The following EML4 variants were observed in gnomAD, a reference collection of about 807,000 sequenced individuals.
The protein encoded by EML4 is EMAP like 4.
Under a neutral mutation model 129.0 loss-of-function variants are expected in EML4, and 72 were observed. That is an observed-to-expected ratio of 0.56 (90% CI 0.46 to 0.68). EML4 has a LOEUF of 0.68. Among genes scored for constraint, EML4 ranks in the 30% least tolerant of loss-of-function variants. EML4 has a pLI of 0.00. For missense variants in EML4, 1,363 were observed against 1,190.6 expected, an observed-to-expected ratio of 1.14 and a Z score of -2.13; for synonymous variants, 532 against 405.0, an observed-to-expected ratio of 1.31 and a Z score of -3.77.
At chr2:42,324,626 AAGTT>A (rs1377040044) in intron 19 of EML4, among the ~76,000 whole-genome samples, 1 of 152,210 alleles carries the variant, frequency 6.6e-6, no homozygotes, top group Non-Finnish European at 1.5e-5. Flanking sequence ...CTCAAAAAAA[AAGTT>A]AGTAATTGAA....
intron 2 of EML4, among the ~76,000 whole-genome samples, chr2:42,252,436 A>G (rs917966601): frequency 6.6e-6 from 1 of 152,168 alleles, no homozygotes; most frequent in Non-Finnish European, 1.5e-5. Flanking sequence ...TTCTCAGACC[A>G]CTGCCCTGAA....
intron 22 of EML4, 37 bp from the exon 23 acceptor site, chr2:42,329,697 G>A: frequency 6.4e-7 from 1 of 1,563,708 alleles, no homozygotes; most frequent in Non-Finnish European, 8.8e-7. Context: ...TCAAGAATGA[G>A]TTTAATTTTC....
intron 1 of EML4, among the ~76,000 whole-genome samples, chr2:42,219,710 G>A (rs1248168665): frequency 6.6e-6 from 1 of 151,980 alleles, no homozygotes; most frequent in Non-Finnish European, 1.5e-5. Context: ...TTGACATCAG[G>A]ACTTCAAGAC....
chr2:42,268,693 C>T (rs1666205638), intron 6 of EML4, among the ~76,000 whole-genome samples: 1 of 152,172 alleles, frequency 6.6e-6, no homozygotes, highest in South Asian at 2.1e-4. Context: ...CCATCTCTAC[C>T]TCCCAAAGCG....
At chr2:42,202,554 G>C (rs1421019051) in intron 1 of EML4, among the ~76,000 whole-genome samples, 1 of 152,166 alleles carries the variant, frequency 6.6e-6, no homozygotes, top group African/African-American at 2.4e-5. Flanking sequence ...GAGGAGCAAG[G>C]AAGCCAGTCT....
At chr2:42,310,561 G>C (rs1056046385) in intron 17 of EML4, among the ~76,000 whole-genome samples, 4 of 152,146 alleles carry the variant, frequency 2.6e-5, no homozygotes, top group Non-Finnish European at 5.9e-5. Flanking sequence ...GGTCAAGCTG[G>C]TCTTGAACTC....
chr2:42,260,924 T>G (rs1011540794), intron 3 of EML4, among the ~76,000 whole-genome samples, 197 bp from the exon 4 acceptor site: 4 of 152,218 alleles, frequency 2.6e-5, no homozygotes, highest in Admixed American at 6.5e-5. Flanking sequence ...CTTAGAATTT[T>G]TATAAATTCT....
intron 1 of EML4, among the ~76,000 whole-genome samples, chr2:42,243,457 A>G (rs559900658): frequency 5.9e-5 from 9 of 151,970 alleles, no homozygotes; most frequent in African/African-American, 2.2e-4. Context: ...TTTAAGTAAC[A>G]AATGTGCTCA....
At chr2:42,299,938 G>A (rs1351704601) in intron 13 of EML4, among the ~76,000 whole-genome samples, 1 of 152,080 alleles carries the variant, frequency 6.6e-6, no homozygotes, top group Admixed American at 6.5e-5. Context: ...CACCCACCTC[G>A]GCCTCCCAAA....
chr2:42,308,650 A>C (rs1163675504), intron 17 of EML4, among the ~76,000 whole-genome samples: 1 of 152,238 alleles, frequency 6.6e-6, no homozygotes, highest in African/African-American at 2.4e-5. Flanking sequence ...CAGTAAGTTC[A>C]CAGGGTTATG....
rs1242828197 is a variant in EML4 at position 42,330,226 on chromosome 2, A to C, written c.*19A>C. 7 of 1,601,408 alleles carry C rather than the reference A, an allele frequency of 4.4e-6. No homozygotes were observed. Among genetic ancestry groups the C allele is most frequent in the African/African-American group, 1.3e-5 (1 of 74,304 alleles). ...GTCCTAACACCCTGGCTTCAGTGCA[A>C]CTCTTTTCCTTCAGCTGCATGTGAT... On this transcript the variant is annotated 3_prime_UTR_variant, in exon 23 of 23. Transcript: ENST00000318522.
intron 20 of EML4, 75 bp from the exon 21 acceptor site, chr2:42,326,079 T>C: frequency 6.4e-7 from 1 of 1,573,768 alleles, no homozygotes; most frequent in Non-Finnish European, 8.6e-7. Context: ...ACGTGGCTAG[T>C]TTGAATCAAG....
chr2:42,283,964 G>C (rs1045587732), intron 8 of EML4, among the ~76,000 whole-genome samples: 8 of 152,216 alleles, frequency 5.3e-5, no homozygotes, highest in Non-Finnish European at 8.8e-5. Flanking sequence ...GTTGTTGAAA[G>C]AGTCTAGATA....
intron 13 of EML4, among the ~76,000 whole-genome samples, chr2:42,296,664 T>A (rs1347099544): frequency 6.6e-6 from 1 of 152,184 alleles, no homozygotes; most frequent in African/African-American, 2.4e-5. Context: ...TGAAAACTAT[T>A]TGTCAAACAT....
At chr2:42,315,888 A>G (rs931507829) in intron 17 of EML4, 74 bp from the exon 18 acceptor site, 18 of 1,144,226 alleles carry the variant, frequency 1.6e-5, no homozygotes, top group Middle Eastern at 2.0e-4. Flanking sequence ...CTCAAAAAAA[A>G]AAGAAAAAGA....
chr2:42,328,776 T>C (rs1340164504), intron 21 of EML4, 110 bp from the exon 22 acceptor site: 3 of 844,532 alleles, frequency 3.6e-6, no homozygotes, highest in Non-Finnish European at 3.5e-6. Context: ...AGCTAAGAGT[T>C]TGAACATAGA....
intron 1 of EML4, among the ~76,000 whole-genome samples, chr2:42,174,894 T>C (rs1333938280): frequency 6.6e-6 from 1 of 151,664 alleles, no homozygotes; most frequent in Non-Finnish European, 1.5e-5. Flanking sequence ...CTCGGCTCAC[T>C]GCAGCCTCCG....
intron 1 of EML4, among the ~76,000 whole-genome samples, chr2:42,219,024 C>G (rs1054683389): frequency 2.6e-5 from 4 of 152,112 alleles, no homozygotes; most frequent in Non-Finnish European, 5.9e-5. Flanking sequence ...TGCGTTTACT[C>G]CAAAATTTAA....
At chr2:42,291,994 T>C (rs1667673844) in intron 11 of EML4, among the ~76,000 whole-genome samples, 1 of 152,144 alleles carries the variant, frequency 6.6e-6, no homozygotes, top group African/African-American at 2.4e-5. Context: ...ATACTAAGGT[T>C]GCTGAGGAGG....
Sources: allele counts gnomAD v4.1 joint callset (sites outside exome capture counted in the v4.1 genomes callset), GRCh38; gene constraint gnomAD v4.1.1; transcripts MANE v1.5; gene names NCBI Gene and HGNC (gene_info 2026-07-23, HGNC 2026-07-21).